Variants in LTBP1 observed in about 807,000 individuals in gnomAD.
LTBP1 encodes latent-transforming growth factor beta-binding protein 1.
LTBP1 carries 129 observed loss-of-function variants against 207.6 expected under a neutral mutation model. That is an observed-to-expected ratio of 0.62 (90% CI 0.54 to 0.72). The LOEUF (loss-of-function observed/expected upper bound fraction) is 0.72, where lower values mean the gene tolerates loss of function less well. Ranked by LOEUF, LTBP1 falls within the 30% of genes least tolerant of loss-of-function variation. The pLI, the probability that LTBP1 is intolerant of heterozygous loss-of-function variation, is 0.00. For missense variants in LTBP1, 2,281 were observed against 2,217.2 expected (o/e 1.03, Z -0.58); for synonymous variants, 963 against 833.7 (o/e 1.16, Z -2.67).
intron 31 of LTBP1, among the ~76,000 whole-genome samples, chr2:33,385,201 G>T (rs2095255490): frequency 6.6e-6 from 1 of 152,192 alleles, no homozygotes; most frequent in South Asian, 2.1e-4. Context: ...TTGAGAGGAA[G>T]TCTAGGAAGA....
intron 3 of LTBP1, among the ~76,000 whole-genome samples, chr2:33,075,199 C>T (rs1002079567): frequency 1.3e-5 from 2 of 152,190 alleles, no homozygotes; most frequent in Non-Finnish European, 2.9e-5. Context: ...TCTAGCTCCT[C>T]AGGAGGCTAA....
intron 5 of LTBP1, among the ~76,000 whole-genome samples, chr2:33,151,421 A>G (rs1443678220): frequency 6.6e-6 from 1 of 151,738 alleles, no homozygotes; most frequent in East Asian, 1.9e-4. Flanking sequence ...TTATTTTCCC[A>G]TTCTTTTATT....
At chr2:32,997,051 A>AT (rs1277782764) in intron 2 of LTBP1, among the ~76,000 whole-genome samples, 1 of 151,936 alleles carries the variant, frequency 6.6e-6, no homozygotes, top group Non-Finnish European at 1.5e-5. Context: ...TGCCTGGCTA[A>AT]TTTTTGTATT....
intron 9 of LTBP1, among the ~76,000 whole-genome samples, chr2:33,238,451 T>C (rs2092154967): frequency 6.6e-6 from 1 of 152,238 alleles, no homozygotes; most frequent in Non-Finnish European, 1.5e-5. Flanking sequence ...ATGCACCAAA[T>C]GTCATACTTT....
chr2:32,999,470 G>C (rs1312757681), intron 2 of LTBP1, among the ~76,000 whole-genome samples: 3 of 136,088 alleles, frequency 2.2e-5, no homozygotes, highest in Non-Finnish European at 4.9e-5. Context: ...TAAAGGATAA[G>C]ACTGTGAAAA....
At chr2:33,119,957 C>G (rs894349676) in intron 4 of LTBP1, among the ~76,000 whole-genome samples, 1 of 152,080 alleles carries the variant, frequency 6.6e-6, no homozygotes, top group Non-Finnish European at 1.5e-5. Context: ...TTGAATATCT[C>G]CTGAATATTA....
intron 10 of LTBP1, among the ~76,000 whole-genome samples, chr2:33,251,495 C>T (rs1415576536): frequency 6.6e-6 from 1 of 152,018 alleles, no homozygotes; most frequent in Admixed American, 6.6e-5. Flanking sequence ...CCTGTCTCTA[C>T]TAAAAATTCA....
chr2:33,253,881 CTTTTTT>C (rs61042956), intron 11 of LTBP1, among the ~76,000 whole-genome samples: 3 of 101,682 alleles, frequency 3.0e-5, no homozygotes, highest in East Asian at 3.3e-4. Flanking sequence ...ATCTGATGCA[CTTTTTT>C]TTTTTTTTTT....
At chr2:32,985,314 A>G (rs1167845852) in intron 2 of LTBP1, among the ~76,000 whole-genome samples, 3 of 152,180 alleles carry the variant, frequency 2.0e-5, no homozygotes, top group African/African-American at 4.8e-5. Flanking sequence ...ACAGCTCTAC[A>G]TGGATTACTT....
chr2:33,380,705 T>A (rs2150381247), intron 31 of LTBP1, among the ~76,000 whole-genome samples: 1 of 152,342 alleles, frequency 6.6e-6, no homozygotes, highest in Admixed American at 6.5e-5. Flanking sequence ...ATTAAATATT[T>A]TCCCCTCCTG....
intron 3 of LTBP1, among the ~76,000 whole-genome samples, chr2:33,062,224 CAT>C (rs1404538798): frequency 3.4e-5 from 1 of 28,992 alleles, no homozygotes; most frequent in East Asian, 0.02. Flanking sequence ...CTCTCTGTCT[CAT>C]ACACACACAC....
At chr2:33,022,247 T>C (rs1484542158) in intron 3 of LTBP1, among the ~76,000 whole-genome samples, 2 of 150,954 alleles carry the variant, frequency 1.3e-5, no homozygotes, top group Non-Finnish European at 2.9e-5. Flanking sequence ...TCTTTTCTCC[T>C]ATTCCCTCCT....
At chr2:33,296,570 T>C (rs975453792) in intron 20 of LTBP1, among the ~76,000 whole-genome samples, 4 of 152,148 alleles carry the variant, frequency 2.6e-5, no homozygotes, top group Non-Finnish European at 5.9e-5. Context: ...ATGCTCAAAG[T>C]AGCACATGTT....
intron 3 of LTBP1, among the ~76,000 whole-genome samples, chr2:33,087,732 G>A (rs376535929): frequency 3.3e-5 from 5 of 152,192 alleles, no homozygotes; most frequent in South Asian, 2.1e-4. Flanking sequence ...ATAAAGTGCC[G>A]ATGGAGTTTA....
intron 3 of LTBP1, among the ~76,000 whole-genome samples, chr2:33,100,143 C>G (rs559879611): frequency 6.6e-6 from 1 of 152,192 alleles, no homozygotes; most frequent in African/African-American, 2.4e-5. Flanking sequence ...TAATTCCTCA[C>G]AATGCGATAA....
intron 5 of LTBP1, among the ~76,000 whole-genome samples, chr2:33,145,453 A>C (rs1669232377): frequency 6.6e-6 from 1 of 152,242 alleles, no homozygotes; most frequent in Admixed American, 6.5e-5. Context: ...ACTTGTTGTT[A>C]GAGTTTACTA....
At chr2:33,153,839 T>C (rs1157501790) in intron 5 of LTBP1, among the ~76,000 whole-genome samples, 1 of 151,688 alleles carries the variant, frequency 6.6e-6, no homozygotes, top group Non-Finnish European at 1.5e-5. Context: ...TGAGTGGCAC[T>C]TGTGCCAGAG....
chr2:33,063,315 T>G (rs2077355156), intron 3 of LTBP1, among the ~76,000 whole-genome samples: 1 of 152,194 alleles, frequency 6.6e-6, no homozygotes, highest in Non-Finnish European at 1.5e-5. Context: ...TTAGACATTA[T>G]TTGCTTTCAC....
chr2:33,392,611 C>G (rs1045792923), intron 32 of LTBP1, among the ~76,000 whole-genome samples: 2 of 152,280 alleles, frequency 1.3e-5, no homozygotes, highest in Middle Eastern at 3.4e-3. Flanking sequence ...GGTTTATTTA[C>G]AAAAATAGGT....
Sources: gnomAD v4.1 joint callset for allele counts (sites outside exome capture counted in the v4.1 genomes callset) on GRCh38, gnomAD v4.1.1 for gene constraint, MANE v1.5 for transcripts, NCBI Gene and HGNC (gene_info 2026-07-23, HGNC 2026-07-21) for gene names.